ZBTB38: variants seen among roughly 807,000 people sequenced by gnomAD.
The protein encoded by ZBTB38 is zinc finger and BTB domain-containing protein 38.
In ZBTB38, 20 loss-of-function variants were observed where a neutral mutation model predicts 76.8. The observed-to-expected ratio is 0.26, with a 90% CI of 0.18 to 0.38. ZBTB38 has a LOEUF of 0.38. Among genes scored for constraint, ZBTB38 ranks in the 10% least tolerant of loss-of-function variants. ZBTB38 has a pLI of 1.00. For missense variants in ZBTB38, 1,082 were observed against 1,482.3 expected (o/e 0.73, Z 4.43); for synonymous variants, 504 against 544.2 (o/e 0.93, Z 1.03).
At chr3:141,354,595 C>G (rs1943610316) in intron 1 of ZBTB38, among the ~76,000 whole-genome samples, 1 of 152,088 alleles carries the variant, frequency 6.6e-6, no homozygotes, top group Non-Finnish European at 1.5e-5. Context: ...TTTCTGGGCT[C>G]CCTACATCCT....
intron 4 of ZBTB38, chr3:141,402,309 G>GGGGGC (rs1270743645): frequency 7.2e-5 from 11 of 151,858 alleles, no homozygotes; most frequent in Non-Finnish European, 1.3e-4. Flanking sequence ...GCCCCGCGCC[G>GGGGGC]GGGGCGGGCC....
At chr3:141,441,711 TA>T (rs965760273) in intron 5 of ZBTB38, among the ~76,000 whole-genome samples, 5 of 152,062 alleles carry the variant, frequency 3.3e-5, no homozygotes, top group Admixed American at 1.3e-4. Context: ...AAAATTCATT[TA>T]AAAAAATAGC....
chr3:141,354,234 C>T (rs909977895), intron 1 of ZBTB38, among the ~76,000 whole-genome samples: 1 of 152,120 alleles, frequency 6.6e-6, no homozygotes, highest in Non-Finnish European at 1.5e-5. Context: ...GTATATCCCA[C>T]GTGAGCTGCC....
Position 141,447,454 on chromosome 3 carries a change from C to G in ZBTB38, c.*1478C>G, listed in dbSNP as rs928276121. 6.6e-6 allele frequency: 1 copy of G among 152,592 alleles called. No individual in the cohort carries two copies. The highest frequency in any genetic ancestry group is 2.4e-5 in the African/African-American group (1 of 41,428). The allele number at this position is 152,592 out of a possible 1,614,324, so 9.5% of individuals were successfully genotyped here. On this transcript the variant is annotated 3_prime_UTR_variant, in exon 6 of 6. Transcript: ENST00000321464. Reference sequence around the variant, plus strand: ...AACACTACCCTCAAATCTAATTGCCCTACAGCATATTCTATCATGTGGACT... The same window carrying G: ...AACACTACCCTCAAATCTAATTGCCGTACAGCATATTCTATCATGTGGACT...
chr3:141,419,913 G>A (rs1176355878), intron 5 of ZBTB38, among the ~76,000 whole-genome samples: 3 of 152,174 alleles, frequency 2.0e-5, no homozygotes, highest in Admixed American at 6.5e-5. Flanking sequence ...CTTGAACCCA[G>A]GAGGCGGAGG....
At chr3:141,373,337 G>T (rs1170034564) in intron 2 of ZBTB38, among the ~76,000 whole-genome samples, 2 of 152,144 alleles carry the variant, frequency 1.3e-5, no homozygotes, top group African/African-American at 4.8e-5. Flanking sequence ...TCTTTTCAGA[G>T]CTTAGGTCAT....
At position 141,406,329 on chromosome 3, in the gene ZBTB38, G is replaced by A. The variant is rs749078068; in HGVS notation, c.-1+2298G>A. Among the ~76,000 whole-genome samples the A allele has an allele frequency of 3.3e-5, 5 of 152,080 alleles. No individual in the cohort carries two copies. In the East Asian group the frequency reaches 5.8e-4, roughly 18 times the overall value. ...AGTTAAGCTACTACAACCCACCAAG[G>A]AAAAAGAGGGGCAGAAAAGGCCTGA... On this transcript the variant is annotated intron_variant, in intron 5 of 5. Coordinates refer to ENST00000321464, the MANE Select transcript of ZBTB38 (RefSeq NM_001376113.1).
chr3:141,373,601 A>G (rs1944940874), intron 2 of ZBTB38, among the ~76,000 whole-genome samples: 1 of 152,242 alleles, frequency 6.6e-6, no homozygotes, highest in Admixed American at 6.5e-5. Context: ...ATAGGGCTTT[A>G]TAATTTCTCA....
chr3:141,424,636 ATG>A (rs569201722), intron 5 of ZBTB38, among the ~76,000 whole-genome samples: 5 of 148,610 alleles, frequency 3.4e-5, no homozygotes, highest in Non-Finnish European at 5.9e-5. Flanking sequence ...AAATGCCTGT[ATG>A]TGTGTGTGTG....
intron 5 of ZBTB38, among the ~76,000 whole-genome samples, chr3:141,417,812 G>A (rs1003807115): frequency 3.3e-5 from 5 of 151,994 alleles, no homozygotes; most frequent in African/African-American, 1.2e-4. Context: ...GTCAAGAGAT[G>A]GAGACCACCC....
chr3:141,343,510 A>G (rs545698101), intron 1 of ZBTB38, among the ~76,000 whole-genome samples: 11 of 152,278 alleles, frequency 7.2e-5, no homozygotes, highest in African/African-American at 2.2e-4. Context: ...TGTTTCTCCC[A>G]CAAATTCTCA....
intron 4 of ZBTB38, among the ~76,000 whole-genome samples, chr3:141,403,579 G>A (rs1298550263): frequency 4.6e-5 from 7 of 152,226 alleles, no homozygotes; most frequent in African/African-American, 1.7e-4. Flanking sequence ...TTTTAAAACC[G>A]TGGGTCACTG....
chr3:141,407,229 G>A (rs536929527), intron 5 of ZBTB38, among the ~76,000 whole-genome samples: 6 of 152,306 alleles, frequency 3.9e-5, no homozygotes, highest in African/African-American at 7.2e-5. Flanking sequence ...GCGTGTCTGC[G>A]CATTTTCACG....
chr3:141,359,347 C>T (rs1559919622), intron 1 of ZBTB38, among the ~76,000 whole-genome samples: 1 of 152,210 alleles, frequency 6.6e-6, no homozygotes, highest in Non-Finnish European at 1.5e-5. Flanking sequence ...AGAAACTTCC[C>T]TTCATGTGCC....
chr3:141,418,192 A>G lies in ZBTB38; in HGVS notation c.-1+14161A>G, dbSNP rs754103881. 1.9e-3 allele frequency among the ~76,000 whole-genome samples: 282 copies of G among 152,218 alleles called. 4 individuals are homozygous for G. Among genetic ancestry groups the G allele is most frequent in the Non-Finnish European group, 5.3e-4 (36 of 68,018 alleles). On this transcript the variant is annotated intron_variant, in intron 5 of 5. Transcript: ENST00000321464. ...TAGAGGATAAGGCCCAAACTCATCCAGTATTGGAAACTTTTCATGACCAGG... is the reference window on the plus strand; with the variant it reads ...TAGAGGATAAGGCCCAAACTCATCCGGTATTGGAAACTTTTCATGACCAGG...
chr3:141,371,045 CTTTTTTT>C (rs754872291), intron 2 of ZBTB38, among the ~76,000 whole-genome samples: 22 of 72,012 alleles, frequency 3.1e-4, no homozygotes, highest in African/African-American at 1.4e-3. Flanking sequence ...TTCTTTCTTT[CTTTTTTT>C]TTTTTTTTTT....
chr3:141,363,476 T>C (rs1002356901), intron 1 of ZBTB38, among the ~76,000 whole-genome samples: 3 of 152,202 alleles, frequency 2.0e-5, no homozygotes, highest in African/African-American at 7.2e-5. Context: ...GGACTCACAC[T>C]TCCTAATTTC....
At chr3:141,379,252 G>A (rs1182241893) in intron 2 of ZBTB38, among the ~76,000 whole-genome samples, 3 of 152,162 alleles carry the variant, frequency 2.0e-5, no homozygotes, top group Non-Finnish European at 4.4e-5. Context: ...CAAGGCCATG[G>A]GCATTTAGGT....
chr3:141,445,060 T>A lies in ZBTB38; in HGVS notation c.2672T>A (p.Leu891His), dbSNP rs750180707. ...CCCAGTGGAGACAGCCCACTCGGGC[T>A]TTGCCAATCCGAGTGCATGGAGATG... ...PEPSGDSPLG[L>H]CQSECMEMSE... Residue 891 changes from leucine (L) to histidine (H), a missense_variant, in exon 6 of 6, where the codon CTT becomes CAT. This residue lies in a region of ZBTB38 where 471 missense variants were observed against 581.0 expected (regional missense o/e 0.81). Coordinates refer to ENST00000321464, the MANE Select transcript of ZBTB38 (RefSeq NM_001376113.1). This position sits in a 1 kb window ranked among gnomAD's most constrained non-coding sequence, Gnocchi z 6.5. The A allele has an allele frequency of 6.2e-7, 1 of 1,614,130 alleles. No homozygotes were observed. The highest frequency in any genetic ancestry group is 8.5e-7 in the Non-Finnish European group (1 of 1,180,016).
Sources: allele counts gnomAD v4.1 joint callset (sites outside exome capture counted in the v4.1 genomes callset), GRCh38; gene constraint gnomAD v4.1.1; regional missense constraint gnomAD v4.1.1; non-coding constraint Gnocchi (gnomAD v3.1); transcripts MANE v1.5; gene names NCBI Gene and HGNC (gene_info 2026-07-23, HGNC 2026-07-21).